The following SHISA9 variants were observed in gnomAD, a reference collection of about 807,000 sequenced individuals.
SHISA9 encodes the protein shisa family member 9.
Under a neutral mutation model 38.0 loss-of-function variants are expected in SHISA9, and 13 were observed. The ratio of observed to expected loss-of-function variants is 0.34; its 90% CI spans 0.22 to 0.54. The LOEUF (loss-of-function observed/expected upper bound fraction) is 0.54, where lower values mean the gene tolerates loss of function less well. Among genes scored for constraint, SHISA9 ranks in the 20% least tolerant of loss-of-function variants. SHISA9 has a pLI of 0.91. For missense variants in SHISA9, 538 were observed against 575.8 expected (o/e 0.93, Z 0.67); for synonymous variants, 275 against 242.0 (o/e 1.14, Z -1.27).
chr16:12,987,396 A>G (rs1479704419), intron 2 of SHISA9, among the ~76,000 whole-genome samples: 1 of 152,258 alleles, frequency 6.6e-6, no homozygotes, highest in African/African-American at 2.4e-5. Flanking sequence ...CATATACACC[A>G]TGGAATACTA....
chr16:13,263,650 G>A, the SHISA9 span, among the ~76,000 whole-genome samples: 1 of 152,128 alleles, frequency 6.6e-6, no homozygotes, highest in African/African-American at 2.4e-5. Flanking sequence ...CCAGTCTCTG[G>A]CATTTCTTTA....
At chr16:13,389,226 C>T in the SHISA9 span, among the ~76,000 whole-genome samples, 12 of 152,116 alleles carry the variant, frequency 7.9e-5, no homozygotes, top group African/African-American at 2.9e-4. Context: ...ACTTATTCAT[C>T]CCTCCCTCCT....
chr16:13,489,132 C>T, the SHISA9 span, among the ~76,000 whole-genome samples: 1 of 152,090 alleles, frequency 6.6e-6, no homozygotes, highest in African/African-American at 2.4e-5. Flanking sequence ...CTACAACCTC[C>T]ACCTCCTGGG....
chr16:13,023,688 C>G (rs1434730421), intron 2 of SHISA9, among the ~76,000 whole-genome samples: 1 of 152,180 alleles, frequency 6.6e-6, no homozygotes, highest in Non-Finnish European at 1.5e-5. Context: ...TCCGTTGTTT[C>G]CTGACTTTTT....
At chr16:13,358,563 A>G in the SHISA9 span, among the ~76,000 whole-genome samples, 2 of 152,076 alleles carry the variant, frequency 1.3e-5, no homozygotes, top group Non-Finnish European at 2.9e-5. Flanking sequence ...ATCTCTTCCC[A>G]TTTCCTTCCC....
the SHISA9 span, among the ~76,000 whole-genome samples, chr16:13,360,878 T>C: frequency 2.7e-4 from 41 of 152,282 alleles, no homozygotes; most frequent in East Asian, 5.0e-3. Context: ...AGAGGGCTCC[T>C]GGTAAGATGA....
At chr16:13,087,651 T>C (rs960017060) in intron 2 of SHISA9, among the ~76,000 whole-genome samples, 1 of 152,246 alleles carries the variant, frequency 6.6e-6, no homozygotes, top group African/African-American at 2.4e-5. Context: ...TTCATATCCT[T>C]TGCCCACTTT....
At chr16:13,481,309 A>G in the SHISA9 span, among the ~76,000 whole-genome samples, 1 of 130,336 alleles carries the variant, frequency 7.7e-6, no homozygotes, top group East Asian at 2.8e-4. Flanking sequence ...TATCATTTCT[A>G]TATGTTGGGT....
chr16:12,980,365 T>C (rs1250943849), intron 2 of SHISA9, among the ~76,000 whole-genome samples: 1 of 152,224 alleles, frequency 6.6e-6, no homozygotes, highest in Non-Finnish European at 1.5e-5. Context: ...TAATTGGATA[T>C]AATATGTTAA....
intron 2 of SHISA9, among the ~76,000 whole-genome samples, chr16:12,959,469 C>T (rs930348323): frequency 6.6e-6 from 1 of 152,196 alleles, no homozygotes; most frequent in African/African-American, 2.4e-5. Flanking sequence ...GGAATCACCC[C>T]TCTACTGTCC....
chr16:13,018,041 A>G (rs1249430619), intron 2 of SHISA9, among the ~76,000 whole-genome samples: 1 of 152,196 alleles, frequency 6.6e-6, no homozygotes, highest in Non-Finnish European at 1.5e-5. Context: ...ATTCACTCTT[A>G]CCTAAATCCT....
chr16:12,987,488 A>C (rs530317491), intron 2 of SHISA9, among the ~76,000 whole-genome samples: 2 of 152,308 alleles, frequency 1.3e-5, no homozygotes, highest in Admixed American at 1.3e-4. Context: ...GCAAACTAAC[A>C]CAGGAACAGA....
chr16:12,916,011 G>GGTTTTTTTTTTT (rs774277866), intron 1 of SHISA9, among the ~76,000 whole-genome samples: 1 of 90,432 alleles, frequency 1.1e-5, no homozygotes. Context: ...GTGTGTGTGT[G>GGTTTTTTTTTTT]TTTTTTTTTT....
chr16:13,323,430 GT>G, the SHISA9 span, among the ~76,000 whole-genome samples: 1 of 152,156 alleles, frequency 6.6e-6, no homozygotes, highest in Non-Finnish European at 1.5e-5. Flanking sequence ...GTTAAATATA[GT>G]TTGGATGTTT....
rs2051096136 is a variant in SHISA9 at position 13,209,279 on chromosome 16, CCACATTT to C, written c.848-3971_848-3965del. ...GGTACCTGGATTAACATGCAATTGC[CCACATTT>C]CATTTTGAGGGAGAAAGGGTTGGTT... On this transcript the variant is annotated intron_variant, in intron 3 of 4. Transcript: ENST00000558583. Among the ~76,000 whole-genome samples, 6 of 152,200 alleles carry C rather than the reference CCACATTT, an allele frequency of 3.9e-5. No homozygotes were observed. In the South Asian group the frequency reaches 1.2e-3, roughly 32 times the overall value.
intron 2 of SHISA9, among the ~76,000 whole-genome samples, chr16:13,180,287 G>A (rs1458046945): frequency 1.3e-5 from 2 of 152,246 alleles, no homozygotes; most frequent in African/African-American, 4.8e-5. Flanking sequence ...TATTTGCTGT[G>A]TTGACTGCTA....
At chr16:13,085,882 G>A (rs1170494403) in intron 2 of SHISA9, among the ~76,000 whole-genome samples, 1 of 152,098 alleles carries the variant, frequency 6.6e-6, no homozygotes, top group Non-Finnish European at 1.5e-5. Flanking sequence ...AAGTAGTAAT[G>A]TCTCAAGAAC....
At chr16:13,387,943 C>T in the SHISA9 span, among the ~76,000 whole-genome samples, 3 of 151,936 alleles carry the variant, frequency 2.0e-5, no homozygotes, top group East Asian at 5.8e-4. Context: ...AAAAAAAAGA[C>T]ATGTATCTCC....
intron 2 of SHISA9, among the ~76,000 whole-genome samples, chr16:12,959,232 A>G: frequency 6.6e-6 from 1 of 152,196 alleles, no homozygotes; most frequent in East Asian, 1.9e-4. Context: ...ACCTGATTCC[A>G]AAAAAAGGAA....
Sources: allele counts gnomAD v4.1 joint callset (sites outside exome capture counted in the v4.1 genomes callset), GRCh38; gene constraint gnomAD v4.1.1; transcripts MANE v1.5; gene names NCBI Gene and HGNC (gene_info 2026-07-23, HGNC 2026-07-21).